Variants in ROBO2 observed in about 807,000 individuals in gnomAD.
The protein encoded by ROBO2 is roundabout guidance receptor 2, also known as roundabout homolog 2.
Under a neutral mutation model 160.8 loss-of-function variants are expected in ROBO2, and 53 were observed. That is an observed-to-expected ratio of 0.33 (90% CI 0.26 to 0.41). The LOEUF is 0.41. ROBO2 is among the 10% of genes least tolerant of loss of function. The pLI, the probability that ROBO2 is intolerant of heterozygous loss-of-function variation, is 1.00. For missense variants in ROBO2, 1,577 were observed against 1,722.4 expected (o/e 0.92, Z 1.49); for synonymous variants, 664 against 611.7 (o/e 1.09, Z -1.26).
intron 2 of ROBO2, among the ~76,000 whole-genome samples, chr3:76,986,086 T>A (rs1468722371): frequency 6.6e-6 from 1 of 152,236 alleles, no homozygotes; most frequent in Non-Finnish European, 1.5e-5. Flanking sequence ...AAACTTCATA[T>A]GTTATGTGTA....
intron 2 of ROBO2, among the ~76,000 whole-genome samples, chr3:76,412,482 G>A (rs1025907179): frequency 6.6e-6 from 1 of 152,176 alleles, no homozygotes; most frequent in Non-Finnish European, 1.5e-5. Flanking sequence ...TTCCTGCTAT[G>A]AGCTTGTAAA....
intron 2 of ROBO2, among the ~76,000 whole-genome samples, chr3:76,885,091 T>C (rs1346150330): frequency 2.0e-5 from 3 of 152,090 alleles, no homozygotes; most frequent in African/African-American, 7.2e-5. Flanking sequence ...AAGGCTTTCT[T>C]GAGACTTGAG....
chr3:76,097,375 C>A (rs1055281403), intron 2 of ROBO2, among the ~76,000 whole-genome samples: 1 of 152,094 alleles, frequency 6.6e-6, no homozygotes, highest in African/African-American at 2.4e-5. Flanking sequence ...AGCAGGGGCT[C>A]CTGCTGAGAA....
chr3:76,321,208 G>A (rs2072494090), intron 2 of ROBO2, among the ~76,000 whole-genome samples: 2 of 152,138 alleles, frequency 1.3e-5, no homozygotes, highest in Admixed American at 1.3e-4. Flanking sequence ...CTGCAAATGA[G>A]CACAGGGAGG....
intron 2 of ROBO2, among the ~76,000 whole-genome samples, chr3:77,026,403 C>T (rs922276917): frequency 6.6e-6 from 1 of 152,162 alleles, no homozygotes; most frequent in Non-Finnish European, 1.5e-5. Context: ...CCCCAGAGAA[C>T]AGCTGCTAAC....
At chr3:77,486,299 A>G (rs1002567549) in intron 4 of ROBO2, among the ~76,000 whole-genome samples, 1 of 151,520 alleles carries the variant, frequency 6.6e-6, no homozygotes, top group African/African-American at 2.4e-5. Flanking sequence ...ACCCCGTAAT[A>G]GTAATGGTAT....
At chr3:75,994,865 A>C (rs917143287) in intron 2 of ROBO2, among the ~76,000 whole-genome samples, 2 of 152,176 alleles carry the variant, frequency 1.3e-5, no homozygotes, top group African/African-American at 4.8e-5. Flanking sequence ...AGCAATATGG[A>C]CAATGAAGTC....
intron 2 of ROBO2, among the ~76,000 whole-genome samples, chr3:76,430,752 CA>C (rs1453945165): frequency 1.3e-5 from 2 of 151,980 alleles, no homozygotes; most frequent in African/African-American, 4.8e-5. Flanking sequence ...GCGTTTAACT[CA>C]GTACTTAAGA....
intron 2 of ROBO2, among the ~76,000 whole-genome samples, chr3:76,243,911 A>G (rs1290250629): frequency 6.6e-6 from 1 of 152,150 alleles, no homozygotes; most frequent in East Asian, 1.9e-4. Flanking sequence ...AAAGTAGAGA[A>G]CAATGTAAGT....
intron 2 of ROBO2, among the ~76,000 whole-genome samples, chr3:76,450,551 A>G (rs1391765139): frequency 1.3e-5 from 2 of 152,174 alleles, no homozygotes; most frequent in Non-Finnish European, 2.9e-5. Context: ...CCTGCACTCA[A>G]GTGATGCTCC....
intron 2 of ROBO2, among the ~76,000 whole-genome samples, chr3:77,472,063 A>G (rs1354021900): frequency 2.0e-5 from 3 of 152,088 alleles, no homozygotes; most frequent in African/African-American, 7.2e-5. Context: ...TCTTAGTTTA[A>G]AGTCTGAAGT....
chr3:77,325,165 C>T (rs1346601719), intron 2 of ROBO2, among the ~76,000 whole-genome samples: 1 of 151,300 alleles, frequency 6.6e-6, no homozygotes, highest in East Asian at 1.9e-4. Flanking sequence ...GTGACTCTAT[C>T]CAAATACTTA....
intron 2 of ROBO2, among the ~76,000 whole-genome samples, chr3:77,249,336 T>C (rs912001023): frequency 6.6e-6 from 1 of 152,238 alleles, no homozygotes; most frequent in Non-Finnish European, 1.5e-5. Flanking sequence ...TTCTGTACAA[T>C]TTGTAATTTA....
intron 2 of ROBO2, among the ~76,000 whole-genome samples, chr3:76,500,565 G>T (rs1486415330): frequency 3.3e-5 from 5 of 152,146 alleles, no homozygotes; most frequent in African/African-American, 1.2e-4. Flanking sequence ...TTTCCTTAAA[G>T]AATAAATTCC....
At chr3:76,379,776 T>C (rs1458179042) in intron 2 of ROBO2, among the ~76,000 whole-genome samples, 3 of 152,172 alleles carry the variant, frequency 2.0e-5, no homozygotes, top group Non-Finnish European at 4.4e-5. Flanking sequence ...CCATTAAATG[T>C]GAATAAGCAA....
intron 2 of ROBO2, among the ~76,000 whole-genome samples, chr3:76,235,714 A>G (rs2107492193): frequency 6.6e-6 from 1 of 152,304 alleles, no homozygotes; most frequent in Non-Finnish European, 1.5e-5. Context: ...CTTAGAGAGA[A>G]AAGTTCCATA....
intron 2 of ROBO2, among the ~76,000 whole-genome samples, chr3:76,476,481 T>C (rs898506195): frequency 1.3e-5 from 2 of 152,146 alleles, no homozygotes; most frequent in Non-Finnish European, 2.9e-5. Flanking sequence ...CAGTTCTCTT[T>C]TTATTGAAAA....
intron 2 of ROBO2, among the ~76,000 whole-genome samples, chr3:77,207,211 C>T (rs192470224): frequency 2.6e-5 from 4 of 152,256 alleles, no homozygotes; most frequent in Admixed American, 2.6e-4. Context: ...AATCGTCTCT[C>T]TTATAAGAGA....
intron 2 of ROBO2, among the ~76,000 whole-genome samples, chr3:76,763,884 G>C (rs975819738): frequency 6.6e-6 from 1 of 151,832 alleles, no homozygotes; most frequent in Middle Eastern, 3.4e-3. Context: ...AGCCGCATTT[G>C]CTCTTGCTAT....
Sources: gnomAD v4.1 joint callset for allele counts (sites outside exome capture counted in the v4.1 genomes callset) on GRCh38, gnomAD v4.1.1 for gene constraint, MANE v1.5 for transcripts, NCBI Gene and HGNC (gene_info 2026-07-23, HGNC 2026-07-21) for gene names.